ACTR3C: variants seen among roughly 807,000 people sequenced by gnomAD.
ACTR3C encodes actin related protein 3C, also known as actin-related protein 3C.
In ACTR3C, 18 loss-of-function variants were observed where a neutral mutation model predicts 26.3. The ratio of observed to expected loss-of-function variants is 0.68; its 90% CI spans 0.47 to 1.01. The LOEUF (loss-of-function observed/expected upper bound fraction) is 1.01, where lower values mean the gene tolerates loss of function less well. ACTR3C is among the 50% of genes least tolerant of loss of function. ACTR3C has a pLI of 0.00. For synonymous variants in ACTR3C, 55 were observed against 94.5 expected, an observed-to-expected ratio of 0.58 and a Z score of 2.42; for missense variants, 184 against 250.7, an observed-to-expected ratio of 0.73 and a Z score of 1.80.
chr7:150,180,259 C>A, the ACTR3C span, among the ~76,000 whole-genome samples: 1 of 149,606 alleles, frequency 6.7e-6, no homozygotes, highest in Admixed American at 6.6e-5. Flanking sequence ...GAGCCGAGAT[C>A]GCGCCACTGC....
chr7:150,154,079 G>C, the ACTR3C span, among the ~76,000 whole-genome samples: 1 of 120,502 alleles, frequency 8.3e-6, no homozygotes, highest in Non-Finnish European at 1.7e-5. Flanking sequence ...GTTGTGGGGT[G>C]GGGGGAGGGG....
At chr7:149,929,215 A>G in the ACTR3C span, among the ~76,000 whole-genome samples, 1 of 152,096 alleles carries the variant, frequency 6.6e-6, no homozygotes, top group Non-Finnish European at 1.5e-5. Context: ...ATTGCTTGAG[A>G]TCAGGATTCA....
At chr7:150,218,967 G>A in the ACTR3C span, among the ~76,000 whole-genome samples, 1 of 151,736 alleles carries the variant, frequency 6.6e-6, no homozygotes, top group African/African-American at 2.4e-5. Flanking sequence ...TCAAATCATA[G>A]TGAGAACAGA....
the ACTR3C span, among the ~76,000 whole-genome samples, chr7:150,178,087 C>A: frequency 6.7e-6 from 1 of 150,354 alleles, no homozygotes; most frequent in Admixed American, 6.6e-5. Flanking sequence ...GGACACAATG[C>A]CTTATCACCA....
the ACTR3C span, among the ~76,000 whole-genome samples, chr7:150,035,892 G>C: frequency 1.5e-5 from 2 of 137,396 alleles, no homozygotes; most frequent in South Asian, 2.3e-4. Context: ...AGAGGGGATA[G>C]CTCTCAGTCC....
chr7:150,109,796 C>G, the ACTR3C span, among the ~76,000 whole-genome samples: 2 of 148,368 alleles, frequency 1.3e-5, no homozygotes, highest in African/African-American at 5.1e-5. Flanking sequence ...AGACTTCCAG[C>G]AAATAAGAGA....
At chr7:150,247,712 T>C (rs1832542137) in intron 7 of ACTR3C, 143 bp from the exon 8 acceptor site, 1 of 144,548 alleles carries the variant, frequency 6.9e-6, no homozygotes, top group African/African-American at 2.6e-5. Context: ...AGGCGGGGCC[T>C]GGTGGGGGTG....
the ACTR3C span, among the ~76,000 whole-genome samples, chr7:150,184,356 A>T: frequency 2.0e-5 from 3 of 150,840 alleles, 1 homozygote; most frequent in African/African-American, 7.5e-5. Flanking sequence ...AGTATCGCAC[A>T]TGGCGTTAAA....
chr7:150,308,723 C>A (rs1001752789), intron 1 of ACTR3C, among the ~76,000 whole-genome samples: 15 of 152,116 alleles, frequency 9.9e-5, no homozygotes, highest in African/African-American at 1.9e-4. Flanking sequence ...CCTTATAATT[C>A]TTCTATCACC....
chr7:150,008,864 T>A, the ACTR3C span, among the ~76,000 whole-genome samples: 1 of 151,610 alleles, frequency 6.6e-6, no homozygotes, highest in Non-Finnish European at 1.5e-5. Context: ...TGGACACTGA[T>A]GAGCAGGGAA....
chr7:150,007,624 A>C, the ACTR3C span, among the ~76,000 whole-genome samples: 1 of 152,108 alleles, frequency 6.6e-6, no homozygotes, highest in African/African-American at 2.4e-5. Flanking sequence ...CGATTTCATG[A>C]GTGGGGTAGA....
At chr7:149,883,169 C>G in the ACTR3C span, among the ~76,000 whole-genome samples, 507 of 152,260 alleles carry the variant, frequency 3.3e-3, 6 homozygotes, top group Middle Eastern at 3.4e-3. Flanking sequence ...CGGCCTTGAG[C>G]TTTTTCAGAC....
the ACTR3C span, among the ~76,000 whole-genome samples, chr7:150,116,129 C>G: frequency 2.0e-5 from 3 of 152,200 alleles, no homozygotes; most frequent in Non-Finnish European, 2.9e-5. Flanking sequence ...TCATGAAGAA[C>G]AAGTGGGGAT....
At chr7:150,112,742 G>T in the ACTR3C span, among the ~76,000 whole-genome samples, 3 of 152,150 alleles carry the variant, frequency 2.0e-5, no homozygotes, top group Non-Finnish European at 4.4e-5. Flanking sequence ...AGGGACAAAG[G>T]GTAATTAGAG....
the ACTR3C span, among the ~76,000 whole-genome samples, chr7:150,227,692 T>TTTTTTTTTTTTTTTTTC: frequency 6.9e-4 from 96 of 139,710 alleles, 3 homozygotes; most frequent in African/African-American, 2.8e-3. Context: ...GTCTGGGTTT[T>TTTTTTTTTTTTTTTTTC]TTTTTTTTGT....
chr7:150,169,891 C>T, the ACTR3C span, among the ~76,000 whole-genome samples: 3 of 150,684 alleles, frequency 2.0e-5, no homozygotes, highest in Non-Finnish European at 2.9e-5. Flanking sequence ...CTCCTCCCCT[C>T]TTTACTTTCC....
the ACTR3C span, among the ~76,000 whole-genome samples, chr7:150,158,958 C>T: frequency 7.0e-6 from 1 of 142,504 alleles, no homozygotes; most frequent in Non-Finnish European, 1.5e-5. Context: ...CACACAGGTA[C>T]ACACGTGCGC....
intron 6 of ACTR3C, among the ~76,000 whole-genome samples, chr7:150,260,668 G>A (rs1306867589): frequency 3.3e-5 from 5 of 152,270 alleles, no homozygotes; most frequent in African/African-American, 7.2e-5. Flanking sequence ...CCTAAGCTTC[G>A]GGGTCTGCGT....
At chr7:149,923,068 G>A in the ACTR3C span, among the ~76,000 whole-genome samples, 1 of 127,366 alleles carries the variant, frequency 7.9e-6, no homozygotes, top group African/African-American at 2.9e-5. Flanking sequence ...ATTACTCATA[G>A]TTGGGAGCCA....
Sources: gnomAD v4.1 joint callset for allele counts (sites outside exome capture counted in the v4.1 genomes callset) on GRCh38, gnomAD v4.1.1 for gene constraint, MANE v1.5 for transcripts, NCBI Gene and HGNC (gene_info 2026-07-23, HGNC 2026-07-21) for gene names.